Variants in NT5C3A observed in about 807,000 individuals in gnomAD.
The protein encoded by NT5C3A is 5'-nucleotidase, cytosolic IIIA.
Under a neutral mutation model 40.0 loss-of-function variants are expected in NT5C3A, and 23 were observed. The ratio of observed to expected loss-of-function variants is 0.58; its 90% CI spans 0.41 to 0.81. NT5C3A has a LOEUF of 0.81. NT5C3A is among the 40% of genes least tolerant of loss of function. The probability of loss-of-function intolerance (pLI) is 0.00; values close to 1 mark genes in which losing one functional copy is unlikely to be tolerated. For synonymous variants in NT5C3A, 130 were observed against 141.4 expected (o/e 0.92, Z 0.57); for missense variants, 328 against 403.0 (o/e 0.81, Z 1.59).
At chr7:33,022,963 G>T (rs576089237) in intron 3 of NT5C3A, among the ~76,000 whole-genome samples, 62 of 151,446 alleles carry the variant, frequency 4.1e-4, no homozygotes, top group African/African-American at 1.4e-3. Context: ...TGTCATCCAG[G>T]CTGGAGTGCA....
At chr7:33,048,796 G>A (rs1787254499) in intron 1 of NT5C3A, among the ~76,000 whole-genome samples, 1 of 152,108 alleles carries the variant, frequency 6.6e-6, no homozygotes, top group Non-Finnish European at 1.5e-5. Flanking sequence ...CATAATGCTG[G>A]ATATCTCCCC....
rs554818196 is a variant in NT5C3A, at chr7:33,027,852, C to T, written c.139-937G>A. Among the ~76,000 whole-genome samples the T allele has an allele frequency of 3.3e-5, 5 of 152,172 alleles. No individual in the cohort carries two copies. In the East Asian group the frequency reaches 5.8e-4, roughly 18 times the overall value. On this transcript the variant is annotated intron_variant, in intron 1 of 8. Coordinates refer to ENST00000610140, the MANE Select transcript of NT5C3A (RefSeq NM_001002010.5). The stretch of plus-strand genomic sequence containing the variant: ...TATCCCTCTGAAACATGCATATATA[C>T]GCATATAGTTTTAGCTCATCCTCAT...
chr7:33,032,270 A>C (rs1015880274), intron 1 of NT5C3A, among the ~76,000 whole-genome samples: 3 of 151,040 alleles, frequency 2.0e-5, no homozygotes, highest in Non-Finnish European at 4.4e-5. Flanking sequence ...CTAAATATAC[A>C]AAATTAGCTG....
rs539111988 is a variant in NT5C3A, at chr7:33,028,267, T to TA, written c.139-1353_139-1352insT. ...CCTGGGCAACACAGCAAGACCCATC[T>TA]TAAAAAATGGGTGTAGGCTGCTACT... is the stretch of plus-strand genomic sequence containing the variant. On this transcript the variant is annotated intron_variant, in intron 1 of 8. Transcript: ENST00000610140. Among the ~76,000 whole-genome samples, 403 of 152,208 alleles carry TA rather than the reference T, an allele frequency of 2.6e-3. 1 individual carries two copies. The highest frequency in any genetic ancestry group is 9.4e-3 in the African/African-American group (392 of 41,528).
chr7:33,042,300 A>C lies in NT5C3A; in HGVS notation c.139-15385T>G, dbSNP rs565391451. Among the ~76,000 whole-genome samples the C allele has an allele frequency of 7.9e-5, 12 of 152,290 alleles. No individual in the cohort carries two copies. The South Asian group carries it at 2.5e-3, about 32-fold the overall frequency. On this transcript the variant is annotated intron_variant, in intron 1 of 8. Transcript: ENST00000610140. ...AGCTGAGATTGCGCCACTGCACTCC[A>C]GCCCAGGCAACAAGAGCAAAACTGT...
intron 1 of NT5C3A, among the ~76,000 whole-genome samples, chr7:33,030,393 G>A (rs998167843): frequency 3.9e-5 from 6 of 152,060 alleles, no homozygotes; most frequent in African/African-American, 1.5e-4. Context: ...GACTTGGTTT[G>A]GTGGCATATA....
At position 33,014,599 on chromosome 7, in the gene NT5C3A, A is replaced by C; in HGVS notation, c.*131T>G. 1 of 1,374,836 alleles carries C rather than the reference A, an allele frequency of 7.3e-7. No individual in the cohort carries two copies. Among genetic ancestry groups the C allele is most frequent in the Non-Finnish European group, 1.0e-6 (1 of 1,001,858 alleles). The allele number at this position is 1,374,836 out of a possible 1,614,324, so 85.2% of individuals were successfully genotyped here. A position where few individuals can be genotyped will look rare whatever the true frequency, so the allele number is the denominator to read the frequency against. On this transcript the variant is annotated 3_prime_UTR_variant, in exon 9 of 9. Transcript: ENST00000610140. ...CCAGTCAATGCATTCACCATATCTG[A>C]AAATACTTCAGTTATACAAAGGGAA... is the stretch of plus-strand genomic sequence containing the variant.
chr7:33,017,919 C>T (rs933358422), intron 6 of NT5C3A, among the ~76,000 whole-genome samples: 22 of 152,204 alleles, frequency 1.4e-4, no homozygotes, highest in African/African-American at 5.1e-4. Flanking sequence ...GCAGTGCATG[C>T]CTATAGTCCC....
intron 1 of NT5C3A, among the ~76,000 whole-genome samples, chr7:33,049,722 C>T (rs1406463357): frequency 6.6e-6 from 1 of 151,962 alleles, no homozygotes; most frequent in Non-Finnish European, 1.5e-5. Flanking sequence ...GTAATCCCAG[C>T]ACTTTGGGAG....
At chr7:33,037,173 T>C (rs1181139952) in intron 1 of NT5C3A, among the ~76,000 whole-genome samples, 1 of 152,226 alleles carries the variant, frequency 6.6e-6, no homozygotes, top group Non-Finnish European at 1.5e-5. Flanking sequence ...TCGAGCATTG[T>C]GTCTAGCACA....
At chr7:33,033,896 T>A (rs200960631) in intron 1 of NT5C3A, among the ~76,000 whole-genome samples, 51 of 120,134 alleles carry the variant, frequency 4.2e-4, no homozygotes, top group East Asian at 2.5e-3. Context: ...ATATATATAA[T>A]TTTTTTTTTT....
Position 33,014,684 on chromosome 7 carries a change from G to A in NT5C3A, c.*46C>T, listed in dbSNP as rs767862637. 7.5e-6 allele frequency: 12 copies of A among 1,605,920 alleles called. No individual in the cohort carries two copies. In the South Asian group the frequency reaches 1.2e-4, roughly 16 times the overall value. On this transcript the variant is annotated 3_prime_UTR_variant, in exon 9 of 9. Transcript: ENST00000610140. The stretch of plus-strand genomic sequence containing the variant: ...TCTCAGCAAGATGAACGGATGAACA[G>A]TTCAATTGCACCCACAGGAGAGAGG...
At position 33,014,327 on chromosome 7, in the gene NT5C3A, C is replaced by G. The variant is rs1041059580; in HGVS notation, c.*403G>C. 4 of 454,076 alleles carry G rather than the reference C, an allele frequency of 8.8e-6. No homozygotes were observed. Among genetic ancestry groups the G allele is most frequent in the Admixed American group, 7.1e-5 (3 of 42,516 alleles). The allele number at this position is 454,076 out of a possible 1,614,324, so 28.1% of individuals were successfully genotyped here. ...TGGTGATACCATCAGCATAATAACC[C>G]AAATTACAAAAATGGCAATACTTAA... On this transcript the variant is annotated 3_prime_UTR_variant, in exon 9 of 9. Coordinates refer to ENST00000610140, the MANE Select transcript of NT5C3A (RefSeq NM_001002010.5).
chr7:33,054,241 CT>C (rs1249869768), intron 1 of NT5C3A, among the ~76,000 whole-genome samples: 2 of 151,786 alleles, frequency 1.3e-5, no homozygotes, highest in Non-Finnish European at 2.9e-5. Flanking sequence ...GTAGTCCCAG[CT>C]ACCTGGGAGG....
intron 8 of NT5C3A, 113 bp downstream of exon 8, chr7:33,015,557 C>CA (rs368469311): frequency 0.02 from 11,300 of 562,918 alleles, 147 homozygotes; most frequent in East Asian, 0.16. Context: ...AGGCTTGTCT[C>CA]AAAAAAAAAA....
intron 6 of NT5C3A, among the ~76,000 whole-genome samples, chr7:33,018,908 A>G (rs1032912135): frequency 6.6e-6 from 1 of 152,176 alleles, no homozygotes; most frequent in African/African-American, 2.4e-5. Context: ...ACTAAAACAT[A>G]CTAATCTTTC....
chr7:33,014,910 A>G lies in NT5C3A; in HGVS notation c.895-79T>C, dbSNP rs904849184. On this transcript the variant is annotated intron_variant, in intron 8 of 8. Coordinates refer to ENST00000610140, the MANE Select transcript of NT5C3A (RefSeq NM_001002010.5). ...ATTTCAGTATGAATCTCGTTGTTAG[A>G]TCTCTTGGGCAAAATGCAATAAATT... 5.3e-5 allele frequency: 64 copies of G among 1,197,574 alleles called. 1 individual carries two copies. The highest frequency in any genetic ancestry group is 3.7e-4 in the South Asian group (29 of 78,392). 74.2% of individuals were successfully genotyped at this position (1,197,574 alleles called of 1,614,324 possible). A position where few individuals can be genotyped will look rare whatever the true frequency, so the allele number is the denominator to read the frequency against.
In NT5C3A at chr7:33,024,026, AT is replaced by A. The variant is rs756027074; in HGVS notation, c.307+12del. The A allele has an allele frequency of 3.5e-6, 5 of 1,437,020 alleles. No individual in the cohort carries two copies. In the African/African-American group the frequency reaches 7.0e-5, roughly 20 times the overall value. The allele number at this position is 1,437,020 out of a possible 1,614,324, so 89.0% of individuals were successfully genotyped here. Reference sequence around the variant, plus strand: ...CATGCTTTTGTGAATTTGTTTACAAATATCACACTTACTATGACATGTTGGG... The same window carrying A: ...CATGCTTTTGTGAATTTGTTTACAAAATCACACTTACTATGACATGTTGGG... On this transcript the variant is annotated intron_variant, in intron 3 of 8. Transcript: ENST00000610140.
intron 1 of NT5C3A, among the ~76,000 whole-genome samples, chr7:33,061,554 C>T (rs1372665056): frequency 6.6e-6 from 1 of 152,176 alleles, no homozygotes; most frequent in Non-Finnish European, 1.5e-5. Flanking sequence ...GCAAATACAT[C>T]TGTATTCAAC....
Sources: allele counts gnomAD v4.1 joint callset (sites outside exome capture counted in the v4.1 genomes callset), GRCh38; gene constraint gnomAD v4.1.1; transcripts MANE v1.5; gene names NCBI Gene and HGNC (gene_info 2026-07-23, HGNC 2026-07-21).